BBS9: variants seen among roughly 807,000 people sequenced by gnomAD.
BBS9 encodes the protein protein PTHB1.
Under a neutral mutation model 117.7 loss-of-function variants are expected in BBS9, and 89 were observed. The ratio of observed to expected loss-of-function variants is 0.76; its 90% CI spans 0.64 to 0.90. The LOEUF (loss-of-function observed/expected upper bound fraction) is 0.90. Ranked by LOEUF, BBS9 falls within the 40% of genes least tolerant of loss-of-function variation. The probability of loss-of-function intolerance (pLI) is 0.00; values close to 1 mark genes in which losing one functional copy is unlikely to be tolerated. For synonymous variants in BBS9, 379 were observed against 370.9 expected, an observed-to-expected ratio of 1.02 and a Z score of -0.25; for missense variants, 982 against 1,042.2, an observed-to-expected ratio of 0.94 and a Z score of 0.80.
In BBS9 at chr7:33,558,614, C is replaced by CT. The variant is rs895072095; in HGVS notation, c.2521+24447dup. ...AGAAATGAAAATTCTTGAAACAGGC[C>CT]TTTTTTTTTATGAACCTATTATCTC... is the stretch of plus-strand genomic sequence containing the variant. On this transcript the variant is annotated intron_variant, in intron 21 of 22. Coordinates refer to ENST00000242067, the MANE Select transcript of BBS9 (RefSeq NM_198428.3). Among the ~76,000 whole-genome samples the CT allele has an allele frequency of 2.1e-3, 318 of 151,054 alleles. 2 individuals carry two copies. The highest frequency in any genetic ancestry group is 7.1e-3 in the African/African-American group (291 of 41,144).
chr7:33,315,098 G>T (rs1435935267), intron 9 of BBS9, among the ~76,000 whole-genome samples: 1 of 152,128 alleles, frequency 6.6e-6, no homozygotes, highest in Non-Finnish European at 1.5e-5. Context: ...GGTTTCCTAG[G>T]GCTGCTGTAA....
intron 1 of BBS9, among the ~76,000 whole-genome samples, chr7:33,144,838 T>G (rs1177607556): frequency 6.6e-6 from 1 of 152,210 alleles, no homozygotes; most frequent in East Asian, 1.9e-4. Flanking sequence ...TTTTGATTTT[T>G]TCCCTGGTAT....
chr7:33,175,973 C>T (rs1486962826), intron 4 of BBS9, among the ~76,000 whole-genome samples: 1 of 152,016 alleles, frequency 6.6e-6, no homozygotes, highest in Non-Finnish European at 1.5e-5. Context: ...GGAAGGTGAC[C>T]AGAAAAAGTG....
chr7:33,627,490 C>G (rs942263531), intron 21 of BBS9, among the ~76,000 whole-genome samples: 3 of 152,168 alleles, frequency 2.0e-5, no homozygotes, highest in African/African-American at 7.2e-5. Flanking sequence ...AGAAGAGGTC[C>G]ACCATCCTCC....
chr7:33,185,632 G>A (rs1360743481), intron 5 of BBS9, among the ~76,000 whole-genome samples: 1 of 152,008 alleles, frequency 6.6e-6, no homozygotes, highest in Admixed American at 6.6e-5. Context: ...AGTAGTGAGT[G>A]GGTGATTCTT....
chr7:33,612,784 T>G (rs1864944635), intron 21 of BBS9, among the ~76,000 whole-genome samples: 1 of 152,066 alleles, frequency 6.6e-6, no homozygotes, highest in Non-Finnish European at 1.5e-5. Flanking sequence ...GTTCATTCTA[T>G]TTTTAGACAG....
At chr7:33,134,378 TA>T (rs1258103747) in intron 1 of BBS9, among the ~76,000 whole-genome samples, 1 of 152,054 alleles carries the variant, frequency 6.6e-6, no homozygotes, top group Non-Finnish European at 1.5e-5. Flanking sequence ...AGCATCTTTT[TA>T]TGTTCTTATT....
intron 15 of BBS9, among the ~76,000 whole-genome samples, chr7:33,354,267 A>G (rs1819230591): frequency 1.3e-5 from 2 of 152,132 alleles, no homozygotes; most frequent in Non-Finnish European, 2.9e-5. Context: ...TCTTACTTAC[A>G]CACAAGGCTT....
intron 19 of BBS9, among the ~76,000 whole-genome samples, chr7:33,451,258 A>G (rs1028653017): frequency 6.6e-6 from 1 of 152,168 alleles, no homozygotes; most frequent in Non-Finnish European, 1.5e-5. Context: ...TGTCATAGCC[A>G]ATAAGTCCTT....
chr7:33,141,092 G>A (rs1190437393), intron 1 of BBS9, among the ~76,000 whole-genome samples: 2 of 152,084 alleles, frequency 1.3e-5, no homozygotes, highest in African/African-American at 2.4e-5. Context: ...TAGAGACTGG[G>A]TCTCTGTTAC....
intron 19 of BBS9, among the ~76,000 whole-genome samples, chr7:33,409,498 C>T (rs1449540120): frequency 1.3e-5 from 2 of 152,068 alleles, no homozygotes; most frequent in Non-Finnish European, 1.5e-5. Context: ...TCTGTATTAT[C>T]TTCTATTGGT....
chr7:33,204,641 C>T (rs1179064427), intron 5 of BBS9, among the ~76,000 whole-genome samples: 1 of 152,064 alleles, frequency 6.6e-6, no homozygotes, highest in Non-Finnish European at 1.5e-5. Context: ...CACCCCCAAA[C>T]AGATGAGACA....
intron 19 of BBS9, among the ~76,000 whole-genome samples, chr7:33,404,973 C>T (rs1357854474): frequency 6.6e-6 from 1 of 152,070 alleles, no homozygotes; most frequent in Non-Finnish European, 1.5e-5. Flanking sequence ...ATGATATTGG[C>T]TGTGGGTTTG....
At chr7:33,530,106 T>C (rs540607865) in intron 20 of BBS9, among the ~76,000 whole-genome samples, 1 of 152,350 alleles carries the variant, frequency 6.6e-6, no homozygotes, top group South Asian at 2.1e-4. Context: ...TATCACATTG[T>C]ATTTTTATTT....
chr7:33,234,255 A>G (rs1031957415), intron 5 of BBS9, among the ~76,000 whole-genome samples: 1 of 152,080 alleles, frequency 6.6e-6, no homozygotes, highest in African/African-American at 2.4e-5. Context: ...TTTGGTACTA[A>G]GGTTTCAGGC....
intron 19 of BBS9, among the ~76,000 whole-genome samples, chr7:33,389,694 A>G (rs1311918007): frequency 2.9e-4 from 16 of 54,512 alleles, no homozygotes; most frequent in Non-Finnish European, 6.6e-4. Flanking sequence ...ATCTAAAAAA[A>G]AAAAAAAAAA....
intron 21 of BBS9, among the ~76,000 whole-genome samples, chr7:33,616,863 A>G (rs1865164511): frequency 6.6e-6 from 1 of 151,878 alleles, no homozygotes; most frequent in Admixed American, 6.6e-5. Flanking sequence ...CCCTCTCCCA[A>G]CCTTCCACCT....
At chr7:33,549,727 G>A (rs1563344104) in intron 21 of BBS9, among the ~76,000 whole-genome samples, 1 of 152,012 alleles carries the variant, frequency 6.6e-6, no homozygotes, top group Non-Finnish European at 1.5e-5. Context: ...ACCACAATGA[G>A]ATACCATCTC....
chr7:33,526,698 C>A (rs1186362180), intron 20 of BBS9, among the ~76,000 whole-genome samples: 1 of 147,088 alleles, frequency 6.8e-6, no homozygotes, highest in Non-Finnish European at 1.5e-5. Context: ...TTTGAATGTC[C>A]TCCCGTAGCT....
Sources: allele counts gnomAD v4.1 joint callset (sites outside exome capture counted in the v4.1 genomes callset), GRCh38; gene constraint gnomAD v4.1.1; transcripts MANE v1.5; gene names NCBI Gene and HGNC (gene_info 2026-07-23, HGNC 2026-07-21).